The following SETD2 variants were observed in gnomAD, a reference collection of about 807,000 sequenced individuals.
The protein encoded by SETD2 is histone-lysine N-methyltransferase SETD2.
A neutral mutation model predicts 242.1 loss-of-function variants in SETD2; 31 were observed. The ratio of observed to expected loss-of-function variants is 0.13; its 90% CI spans 0.10 to 0.17. The LOEUF (loss-of-function observed/expected upper bound fraction) is 0.17, where lower values mean the gene tolerates loss of function less well. Among genes scored for constraint, SETD2 ranks in the 10% least tolerant of loss-of-function variants. The pLI is 1.00. For missense variants in SETD2, 2,481 were observed against 3,046.3 expected (o/e 0.81, Z 4.37); for synonymous variants, 1,006 against 1,066.5 (o/e 0.94, Z 1.11).
At chr3:47,151,503 CCA>C (rs2043982526) in intron 1 of SETD2, among the ~76,000 whole-genome samples, 2 of 152,128 alleles carry the variant, frequency 1.3e-5, no homozygotes, top group Admixed American at 6.6e-5. Context: ...ACTCCTGCTC[CCA>C]GTTTCATATC....
chr3:47,033,755 G>A (rs1432069273), intron 18 of SETD2, among the ~76,000 whole-genome samples: 2 of 135,254 alleles, frequency 1.5e-5, no homozygotes, highest in South Asian at 2.5e-4. Flanking sequence ...CCCGTCTCCC[G>A]GGTTCAAGCG....
intron 13 of SETD2, among the ~76,000 whole-genome samples, chr3:47,063,237 A>G (rs1348227061): frequency 2.6e-5 from 4 of 152,248 alleles, no homozygotes; most frequent in Non-Finnish European, 5.9e-5. Context: ...AGTCAAAGGT[A>G]TAAATATAAA....
chr3:47,134,011 T>C (rs2043539291), intron 1 of SETD2, among the ~76,000 whole-genome samples: 2 of 152,174 alleles, frequency 1.3e-5, no homozygotes. Context: ...AGGATAGCAG[T>C]ACCCTTAACT....
At chr3:47,113,106 C>CTTTT (rs67797383) in intron 5 of SETD2, among the ~76,000 whole-genome samples, 1 of 148,208 alleles carries the variant, frequency 6.7e-6, no homozygotes, top group Non-Finnish European at 1.5e-5. Context: ...CTCTTCTACT[C>CTTTT]TTTTTTTTTT....
At chr3:47,037,400 C>T (rs1479470659) in intron 18 of SETD2, among the ~76,000 whole-genome samples, 1 of 149,286 alleles carries the variant, frequency 6.7e-6, no homozygotes, top group Admixed American at 6.8e-5. Context: ...TTTGTCCTTG[C>T]GATAGTTTGC....
At chr3:47,097,878 T>A (rs2107673527) in intron 9 of SETD2, 77 bp downstream of exon 9, 2 of 1,476,110 alleles carry the variant, frequency 1.4e-6, no homozygotes, top group South Asian at 2.3e-5. Context: ...AGTATGACTT[T>A]ATAACCTTCA....
intron 5 of SETD2, among the ~76,000 whole-genome samples, chr3:47,108,231 C>CATATATT (rs2042514540): frequency 6.6e-6 from 1 of 152,092 alleles, no homozygotes. Flanking sequence ...GACTACAAAA[C>CATATATT]ATATATTATC....
intron 3 of SETD2, among the ~76,000 whole-genome samples, chr3:47,117,270 AAAAAAAAAAACAAAC>A (rs1405038411): frequency 2.1e-5 from 3 of 140,100 alleles, no homozygotes; most frequent in African/African-American, 9.1e-5. Flanking sequence ...CCAAAAAAAA[AAAAAAAAAAACAAAC>A]AAAAAAAAAA....
intron 18 of SETD2, among the ~76,000 whole-genome samples, chr3:47,032,787 C>T (rs935558002): frequency 2.0e-5 from 3 of 151,916 alleles, no homozygotes; most frequent in African/African-American, 7.3e-5. Flanking sequence ...TGGCAGGTGC[C>T]TGTAATCCCA....
rs2107739535 is a variant in SETD2, at chr3:47,120,252, C to T, written c.4384G>A (p.Glu1462Lys). The change falls in exon 3 of 21, where the codon GAA becomes AAA. Residue 1462 changes from glutamate (E) to lysine (K), a missense_variant. Transcript: ENST00000409792. ...DDFRDPQRWKECAKQGKMPCY... is the reference protein window; with the variant it reads ...DDFRDPQRWKKCAKQGKMPCY... The stretch of plus-strand genomic sequence containing the variant: ...GGCATTTTCCCTTGCTTGGCACATT[C>T]CTTCCATCGCTGTGGGTCCCTGAAG... The T allele has an allele frequency of 6.2e-7, 1 of 1,602,808 alleles. No homozygotes were observed. Among genetic ancestry groups the T allele is most frequent in the Non-Finnish European group, 8.5e-7 (1 of 1,175,856 alleles).
chr3:47,063,290 A>G (rs189543717), intron 13 of SETD2, among the ~76,000 whole-genome samples: 1 of 152,282 alleles, frequency 6.6e-6, no homozygotes, highest in East Asian at 1.9e-4. Context: ...GGAAGTCATC[A>G]AAGCCAGAGA....
At chr3:47,067,325 A>G (rs1449415369) in intron 12 of SETD2, among the ~76,000 whole-genome samples, 1 of 151,262 alleles carries the variant, frequency 6.6e-6, no homozygotes, top group Non-Finnish European at 1.5e-5. Context: ...AAATACATAT[A>G]TTTACATCTA....
chr3:47,132,430 T>G (rs1338832683), intron 1 of SETD2, among the ~76,000 whole-genome samples: 1 of 152,096 alleles, frequency 6.6e-6, no homozygotes, highest in African/African-American at 2.4e-5. Flanking sequence ...GAAGTTACAG[T>G]GAGCAGAGAT....
chr3:47,111,079 TAAAAAAAAAAA>T (rs10672755), intron 5 of SETD2, among the ~76,000 whole-genome samples: 1,021 of 78,840 alleles, frequency 0.013, 16 homozygotes, highest in South Asian at 0.024. Flanking sequence ...GTGGTTCCTT[TAAAAAAAAAAA>T]AAAAAAAAAA....
chr3:47,066,641 G>T (rs1363617612), intron 13 of SETD2, among the ~76,000 whole-genome samples: 1 of 151,914 alleles, frequency 6.6e-6, no homozygotes, highest in Non-Finnish European at 1.5e-5. Flanking sequence ...GAGCCACCCT[G>T]CCCAGCTGCA....
At chr3:47,067,212 G>C (rs1001986486) in intron 12 of SETD2, 94 bp from the exon 13 acceptor site, 5 of 942,704 alleles carry the variant, frequency 5.3e-6, no homozygotes, top group Admixed American at 3.7e-5. Flanking sequence ...TAAAGAAATG[G>C]AAAGTAACAA....
intron 1 of SETD2, among the ~76,000 whole-genome samples, chr3:47,158,095 A>G (rs1371571042): frequency 6.6e-5 from 10 of 152,154 alleles, no homozygotes; most frequent in Admixed American, 6.6e-4. Flanking sequence ...TTTGTGCCCT[A>G]TACCATTTTG....
At position 47,040,297 on chromosome 3, in the gene SETD2, C is replaced by A. The variant is rs183710980; in HGVS notation, c.7238+2264G>T. 8.6e-3 allele frequency among the ~76,000 whole-genome samples: 1,301 copies of A among 152,048 alleles called. 10 individuals are homozygous for A. Among genetic ancestry groups the A allele is most frequent in the Middle Eastern group, 0.044 (13 of 294 alleles). ...CCCAGCCTATAGAAGCATTTTAATGCGAGTAAGGAAGGCCCTTCTAAGCAG... is the reference window on the plus strand; with the variant it reads ...CCCAGCCTATAGAAGCATTTTAATGAGAGTAAGGAAGGCCCTTCTAAGCAG... On this transcript the variant is annotated intron_variant, in intron 17 of 20. Transcript: ENST00000409792.
At chr3:47,097,615 A>G (rs1257417531) in intron 9 of SETD2, among the ~76,000 whole-genome samples, 1 of 152,226 alleles carries the variant, frequency 6.6e-6, no homozygotes, top group East Asian at 1.9e-4. Context: ...TTAGAGTACC[A>G]AACAAAGACA....
Sources: gnomAD v4.1 joint callset for allele counts (sites outside exome capture counted in the v4.1 genomes callset) on GRCh38, gnomAD v4.1.1 for gene constraint, MANE v1.5 for transcripts, NCBI Gene and HGNC (gene_info 2026-07-23, HGNC 2026-07-21) for gene names.